MALT1: variants seen among roughly 807,000 people sequenced by gnomAD.
MALT1 encodes MALT1 paracaspase.
MALT1 carries 36 observed loss-of-function variants against 85.5 expected under a neutral mutation model. The observed-to-expected ratio is 0.42, with a 90% CI of 0.32 to 0.56. The LOEUF is 0.56. MALT1 is among the 20% of genes least tolerant of loss of function. MALT1 has a pLI of 0.10. For synonymous variants in MALT1, 359 were observed against 361.3 expected (o/e 0.99, Z 0.07); for missense variants, 716 against 981.6 (o/e 0.73, Z 3.62).
intron 1 of MALT1, among the ~76,000 whole-genome samples, chr18:58,673,733 G>A (rs2054201106): frequency 6.6e-6 from 1 of 152,188 alleles, no homozygotes; most frequent in African/African-American, 2.4e-5. Flanking sequence ...ACAGGCATGA[G>A]CTACCCTGCC....
intron 6 of MALT1, 89 bp from the exon 7 acceptor site, chr18:58,710,832 T>C (rs2054821575): frequency 1.3e-6 from 1 of 783,788 alleles, no homozygotes; most frequent in African/African-American, 1.8e-5. Context: ...CAACATTATC[T>C]CTATGATATT....
chr18:58,685,119 A>G (rs1249380349), intron 2 of MALT1, among the ~76,000 whole-genome samples: 1 of 152,146 alleles, frequency 6.6e-6, no homozygotes, highest in Non-Finnish European at 1.5e-5. Flanking sequence ...TCTTTGCTAT[A>G]TTCTTGAGTC....
intron 4 of MALT1, among the ~76,000 whole-genome samples, chr18:58,706,126 C>T (rs1171383456): frequency 6.6e-6 from 1 of 152,132 alleles, no homozygotes; most frequent in Non-Finnish European, 1.5e-5. Context: ...GGTGGGACTA[C>T]AGGCGCCCGC....
chr18:58,705,288 A>ATGTGTG (rs1602305539), intron 4 of MALT1, among the ~76,000 whole-genome samples: 1 of 93,504 alleles, frequency 1.1e-5, no homozygotes, highest in Non-Finnish European at 2.4e-5. Flanking sequence ...TTGTAAAAGT[A>ATGTGTG]CGTGTGTGTG....
Position 58,747,574 on chromosome 18 carries a change from C to G in MALT1, c.2207C>G (p.Pro736Arg). Reference sequence around the variant, plus strand: ...CAAACTTGTCTTATGTCTAATGGTCCTTACCAGAGTTCTGCAGCCACCTCA... The same window carrying G: ...CAAACTTGTCTTATGTCTAATGGTCGTTACCAGAGTTCTGCAGCCACCTCA... Reference protein sequence around the residue: ...CFQTCLMSNGPYQSSAATSGG... With the variant: ...CFQTCLMSNGRYQSSAATSGG... Residue 736 changes from proline to arginine, a missense_variant, in exon 17 of 17, where the codon CCT becomes CGT. Physicochemically the swap from Pro to Arg is moderately radical, Grantham distance 103 (BLOSUM62 -2). This residue lies in a region of MALT1 where 260 missense variants were observed against 323.7 expected (regional missense o/e 0.80). Transcript: ENST00000649217. 6.2e-7 allele frequency: 1 copy of G among 1,614,182 alleles called. No individual in the cohort carries two copies. The highest frequency in any genetic ancestry group is 8.5e-7 in the Non-Finnish European group (1 of 1,180,026).
chr18:58,733,401 A>G lies in MALT1; in HGVS notation c.1227A>G (p.Leu409=). Residue 409 remains leucine (L), a synonymous_variant, in exon 11 of 17, where the codon TTA becomes TTG. Coordinates refer to ENST00000649217, the MANE Select transcript of MALT1 (RefSeq NM_006785.4). The part of the protein sequence containing the change: ...LLLLDKGVYG[L]LYYAGHGYEN... ...TCTTATTTTTCCTCTTTTCAGGGTT[A>G]TTATATTATGCAGGACATGGTTATG... 6.3e-7 allele frequency: 1 copy of G among 1,597,394 alleles called. No homozygotes were observed. Among genetic ancestry groups the G allele is most frequent in the Non-Finnish European group, 8.5e-7 (1 of 1,173,308 alleles).
At chr18:58,681,619 G>C (rs1360276665) in intron 2 of MALT1, among the ~76,000 whole-genome samples, 5 of 152,082 alleles carry the variant, frequency 3.3e-5, no homozygotes, top group Non-Finnish European at 4.4e-5. Flanking sequence ...TGATACTATA[G>C]GAGAATGTCC....
At chr18:58,680,589 C>CA (rs929643904) in intron 1 of MALT1, among the ~76,000 whole-genome samples, 3 of 151,872 alleles carry the variant, frequency 2.0e-5, no homozygotes, top group Admixed American at 6.6e-5. Flanking sequence ...AAATTAAAGG[C>CA]AAAAAAACCT....
chr18:58,709,075 C>T (rs537394489), intron 4 of MALT1, among the ~76,000 whole-genome samples: 59 of 152,332 alleles, frequency 3.9e-4, no homozygotes, highest in African/African-American at 1.3e-3. Flanking sequence ...ATTTAGAAGA[C>T]ACTTGAACTA....
At chr18:58,679,072 T>A (rs2144305105) in intron 1 of MALT1, among the ~76,000 whole-genome samples, 1 of 152,374 alleles carries the variant, frequency 6.6e-6, no homozygotes, top group African/African-American at 2.4e-5. Flanking sequence ...TTCTTGATTC[T>A]TTTGTCTCCC....
chr18:58,747,019 C>T lies in MALT1; in HGVS notation c.2038-386C>T, dbSNP rs546967732. On this transcript the variant is annotated intron_variant, in intron 16 of 16. Coordinates refer to ENST00000649217, the MANE Select transcript of MALT1 (RefSeq NM_006785.4). ...CTGGGATTATAGGCGTGAGCCACCA[C>T]GCCGGGCCCAGATCATTTTTTAATT... Among the ~76,000 whole-genome samples the T allele has an allele frequency of 9.8e-5, 15 of 152,298 alleles. 1 individual carries two copies. In the South Asian group the frequency reaches 1.4e-3, roughly 15 times the overall value.
intron 2 of MALT1, chr18:58,692,179 C>T (rs1402302555): frequency 3.3e-5 from 5 of 152,228 alleles, no homozygotes; most frequent in Non-Finnish European, 7.3e-5. Context: ...CATTCTGAGG[C>T]CCGAAACCCA....
chr18:58,732,033 G>A (rs1043410519), intron 10 of MALT1, among the ~76,000 whole-genome samples: 1 of 152,082 alleles, frequency 6.6e-6, no homozygotes, highest in Non-Finnish European at 1.5e-5. Flanking sequence ...TGTCCTGTAG[G>A]ACCACATGAA....
intron 13 of MALT1, among the ~76,000 whole-genome samples, chr18:58,739,572 A>G (rs2055273399): frequency 6.6e-6 from 1 of 152,180 alleles, no homozygotes; most frequent in Non-Finnish European, 1.5e-5. Flanking sequence ...AGTAAAGTAG[A>G]TTGCTCTCCA....
chr18:58,703,983 T>C (rs2054710393), intron 4 of MALT1, among the ~76,000 whole-genome samples: 1 of 152,234 alleles, frequency 6.6e-6, no homozygotes, highest in Admixed American at 6.5e-5. Flanking sequence ...TTTTAAAATT[T>C]ACTCATGTTG....
intron 2 of MALT1, chr18:58,690,242 T>C (rs1011857417): frequency 6.6e-6 from 1 of 152,378 alleles, no homozygotes; most frequent in East Asian, 1.9e-4. Context: ...CGGTGATCTT[T>C]GGTGTTACTA....
intron 16 of MALT1, among the ~76,000 whole-genome samples, chr18:58,747,170 A>G (rs1049451274): frequency 6.6e-6 from 1 of 152,236 alleles, no homozygotes; most frequent in Non-Finnish European, 1.5e-5. Context: ...TACTAACAGT[A>G]GTAAGAACTA....
intron 13 of MALT1, among the ~76,000 whole-genome samples, chr18:58,738,754 T>C (rs915386701): frequency 6.6e-6 from 1 of 150,816 alleles, no homozygotes; most frequent in Non-Finnish European, 1.5e-5. Context: ...GTATATCTTA[T>C]GTGAAACATC....
intron 2 of MALT1, among the ~76,000 whole-genome samples, chr18:58,695,372 A>G (rs182676150): frequency 2.0e-5 from 3 of 152,312 alleles, no homozygotes; most frequent in Non-Finnish European, 2.9e-5. Context: ...GGGGTGTTCC[A>G]TTATTGACTA....
Sources: gnomAD v4.1 joint callset for allele counts (sites outside exome capture counted in the v4.1 genomes callset) on GRCh38, gnomAD v4.1.1 for gene constraint, gnomAD v4.1.1 regional missense constraint, MANE v1.5 for transcripts, NCBI Gene and HGNC (gene_info 2026-07-23, HGNC 2026-07-21) for gene names.